PRELID2: variants seen among roughly 807,000 people sequenced by gnomAD.
The protein encoded by PRELID2 is PRELI domain-containing protein 2.
Under a neutral mutation model 28.4 loss-of-function variants are expected in PRELID2, and 25 were observed. The ratio of observed to expected loss-of-function variants is 0.88; its 90% CI spans 0.64 to 1.23. The LOEUF (loss-of-function observed/expected upper bound fraction) is 1.23. Among genes scored for constraint, PRELID2 ranks in the 50% most tolerant of loss-of-function variants. The pLI is 0.00. For synonymous variants in PRELID2, 76 were observed against 71.6 expected, an observed-to-expected ratio of 1.06 and a Z score of -0.31; for missense variants, 201 against 214.4, an observed-to-expected ratio of 0.94 and a Z score of 0.39.
At chr5:145,294,398 T>C in the PRELID2 span, among the ~76,000 whole-genome samples, 1 of 148,698 alleles carries the variant, frequency 6.7e-6, no homozygotes, top group Non-Finnish European at 1.5e-5. Flanking sequence ...ATCATTGACT[T>C]GACTATAGGG....
intron 1 of PRELID2, among the ~76,000 whole-genome samples, chr5:145,487,597 A>C (rs760898029): frequency 2.0e-5 from 3 of 152,124 alleles, no homozygotes; most frequent in Non-Finnish European, 4.4e-5. Flanking sequence ...GGAGAGGGTC[A>C]TGTCTATGCT....
chr5:145,582,745 G>T (rs934677245), intron 1 of PRELID2, among the ~76,000 whole-genome samples: 16 of 151,980 alleles, frequency 1.1e-4, no homozygotes, highest in African/African-American at 3.9e-4. Flanking sequence ...GACTGAACCA[G>T]GAAGAAAATG....
intron 5 of PRELID2, among the ~76,000 whole-genome samples, chr5:145,774,116 G>T (rs1036242441): frequency 6.6e-6 from 1 of 152,162 alleles, no homozygotes; most frequent in Admixed American, 6.5e-5. Flanking sequence ...TGAATCTAAT[G>T]ATAATTTATT....
intron 1 of PRELID2, among the ~76,000 whole-genome samples, chr5:145,720,971 A>G (rs1297155101): frequency 6.6e-6 from 1 of 152,066 alleles, no homozygotes; most frequent in African/African-American, 2.4e-5. Context: ...TATCTGCCAT[A>G]TTAGAAATTA....
At chr5:145,337,219 G>T in the PRELID2 span, among the ~76,000 whole-genome samples, 1 of 151,796 alleles carries the variant, frequency 6.6e-6, no homozygotes, top group Admixed American at 6.6e-5. Flanking sequence ...AAAGATTAGA[G>T]CAGAAATAAA....
chr5:145,698,930 T>A (rs1003196576), intron 1 of PRELID2, among the ~76,000 whole-genome samples: 5 of 152,310 alleles, frequency 3.3e-5, no homozygotes, highest in African/African-American at 1.2e-4. Flanking sequence ...TTTCGCCATG[T>A]TGGCCAGGCT....
Position 145,835,261 on chromosome 5 carries a change from C to T in PRELID2, c.-10G>A. The T allele has an allele frequency of 6.5e-7, 1 of 1,539,746 alleles. No homozygotes were observed. ...CCACCGAGACCCCCATCCCCGCGCG[C>T]CGCGGGCCCCGCGCACCGGCCACGC... On this transcript the variant is annotated 5_prime_UTR_variant, in exon 1 of 7. Transcript: ENST00000683046.
At chr5:145,422,161 T>C in the PRELID2 span, among the ~76,000 whole-genome samples, 5 of 147,264 alleles carry the variant, frequency 3.4e-5, no homozygotes, top group East Asian at 7.9e-4. Flanking sequence ...AACTATGTGG[T>C]CAATTTTGGA....
chr5:145,453,888 A>G, the PRELID2 span, among the ~76,000 whole-genome samples: 2 of 152,126 alleles, frequency 1.3e-5, no homozygotes, highest in African/African-American at 4.8e-5. Context: ...GGTTGGTTCC[A>G]AGTCTTTACT....
chr5:145,271,623 A>G, the PRELID2 span, among the ~76,000 whole-genome samples: 1 of 152,272 alleles, frequency 6.6e-6, no homozygotes, highest in African/African-American at 2.4e-5. Flanking sequence ...GGTGTGTATT[A>G]AAAGCAGGAG....
At chr5:145,682,881 T>C (rs60582580) in intron 1 of PRELID2, among the ~76,000 whole-genome samples, 9,494 of 152,262 alleles carry the variant, frequency 0.062, 946 homozygotes, top group African/African-American at 0.21. Flanking sequence ...TTTTCAACAC[T>C]GCTGGTTCCA....
chr5:145,233,576 A>G, the PRELID2 span, among the ~76,000 whole-genome samples: 1 of 152,182 alleles, frequency 6.6e-6, no homozygotes, highest in Non-Finnish European at 1.5e-5. Flanking sequence ...ATCTACTCTC[A>G]TTGACCTACA....
At chr5:145,230,446 G>T in the PRELID2 span, among the ~76,000 whole-genome samples, 2 of 152,064 alleles carry the variant, frequency 1.3e-5, no homozygotes, top group South Asian at 4.1e-4. Context: ...GGGTATGGTG[G>T]TGCACGCCTG....
intron 1 of PRELID2, among the ~76,000 whole-genome samples, chr5:145,554,817 C>G (rs1752866324): frequency 6.6e-6 from 1 of 152,214 alleles, no homozygotes; most frequent in East Asian, 1.9e-4. Context: ...TTAACAGTTA[C>G]ATTTCCAGTT....
At chr5:145,669,124 G>A (rs1754654310) in intron 1 of PRELID2, among the ~76,000 whole-genome samples, 1 of 152,122 alleles carries the variant, frequency 6.6e-6, no homozygotes. Context: ...CTTAGGAAAA[G>A]ATAGAGAATT....
the PRELID2 span, among the ~76,000 whole-genome samples, chr5:145,425,196 A>G: frequency 6.6e-6 from 1 of 152,204 alleles, no homozygotes; most frequent in Non-Finnish European, 1.5e-5. Flanking sequence ...GCAAATCAAA[A>G]CCACAAAGAG....
chr5:145,413,768 G>T, the PRELID2 span, among the ~76,000 whole-genome samples: 2 of 151,518 alleles, frequency 1.3e-5, no homozygotes, highest in African/African-American at 4.9e-5. Context: ...ACTTTTTTAG[G>T]TTCCATACAT....
At chr5:145,448,597 A>G in the PRELID2 span, among the ~76,000 whole-genome samples, 1 of 152,194 alleles carries the variant, frequency 6.6e-6, no homozygotes, top group South Asian at 2.1e-4. Flanking sequence ...GGGCCATTAC[A>G]TAATGGTAAA....
chr5:145,507,841 T>A (rs575032497), intron 1 of PRELID2, among the ~76,000 whole-genome samples: 3 of 152,184 alleles, frequency 2.0e-5, no homozygotes, highest in Non-Finnish European at 4.4e-5. Flanking sequence ...TTTCTGAGCA[T>A]TCTCCTTCCT....
Sources: allele counts gnomAD v4.1 joint callset (sites outside exome capture counted in the v4.1 genomes callset), GRCh38; gene constraint gnomAD v4.1.1; transcripts MANE v1.5; gene names NCBI Gene and HGNC (gene_info 2026-07-23, HGNC 2026-07-21).